Variants in GSE1 observed in about 807,000 individuals in gnomAD.
GSE1 encodes the protein Gse1 coiled-coil protein.
In GSE1, 32 loss-of-function variants were observed where a neutral mutation model predicts 112.6. The ratio of observed to expected loss-of-function variants is 0.28; its 90% CI spans 0.21 to 0.38. The LOEUF (loss-of-function observed/expected upper bound fraction) is 0.38, where lower values mean the gene tolerates loss of function less well. Among genes scored for constraint, GSE1 ranks in the 10% least tolerant of loss-of-function variants. The pLI is 1.00. For synonymous variants in GSE1, 1,115 were observed against 735.6 expected (o/e 1.52, Z -8.35); for missense variants, 2,348 against 1,699.2 (o/e 1.38, Z -6.71).
intron 1 of GSE1, among the ~76,000 whole-genome samples, chr16:85,206,052 AAACAGGG>A (rs2075109401): frequency 6.6e-6 from 1 of 152,098 alleles, no homozygotes; most frequent in Non-Finnish European, 1.5e-5. Context: ...GGAAGGAGAG[AAACAGGG>A]AACAGGGCAG....
intron 2 of GSE1, among the ~76,000 whole-genome samples, chr16:85,473,367 G>C (rs912364210): frequency 6.6e-6 from 1 of 152,186 alleles, no homozygotes; most frequent in African/African-American, 2.4e-5. Flanking sequence ...AGGATTTGAG[G>C]GGGTGGTTGG....
At chr16:85,624,610 G>C (rs910046015) in intron 1 of GSE1, among the ~76,000 whole-genome samples, 1 of 152,342 alleles carries the variant, frequency 6.6e-6, no homozygotes, top group African/African-American at 2.4e-5. Context: ...CGGCACCATG[G>C]CCAGGACAGC....
intron 3 of GSE1, among the ~76,000 whole-genome samples, chr16:85,649,140 T>C (rs1010085595): frequency 1.8e-4 from 27 of 152,102 alleles, no homozygotes; most frequent in Non-Finnish European, 3.5e-4. Context: ...GGTCCTGATC[T>C]CCTCTTCTCA....
In GSE1 at chr16:85,325,457, AT is replaced by A. The variant is rs35534903; in HGVS notation, c.2284-31995del. On this transcript the variant is annotated intron_variant, in intron 1 of 2. Transcript: ENST00000637419. ...AGGGTATTTTTCAGTAAAAAAAAAA[AT>A]TTTTTTTTTTGAGACAGAGTTTCAC... Among the ~76,000 whole-genome samples, 40 of 147,774 alleles carry A rather than the reference AT, an allele frequency of 2.7e-4. No homozygotes were observed. In the East Asian group the frequency reaches 4.1e-3, roughly 15 times the overall value.
chr16:85,633,248 T>C (rs1403033638), intron 1 of GSE1, among the ~76,000 whole-genome samples: 9 of 152,222 alleles, frequency 5.9e-5, no homozygotes. Context: ...AGCCTGCCTG[T>C]GTGGCCCCAT....
At chr16:85,352,483 G>C (rs1056419543) in intron 1 of GSE1, among the ~76,000 whole-genome samples, 6 of 152,056 alleles carry the variant, frequency 3.9e-5, no homozygotes, top group Non-Finnish European at 8.8e-5. Flanking sequence ...CCCTGGGAGT[G>C]GGGGATGCTG....
At chr16:85,625,619 G>C (rs974349792) in intron 1 of GSE1, among the ~76,000 whole-genome samples, 2 of 152,182 alleles carry the variant, frequency 1.3e-5, no homozygotes, top group Non-Finnish European at 1.5e-5. Context: ...GGCCTCCTTT[G>C]TGTTCCCAGC....
intron 1 of GSE1, among the ~76,000 whole-genome samples, chr16:85,259,573 A>G (rs1378579921): frequency 2.0e-5 from 3 of 152,230 alleles, no homozygotes; most frequent in Admixed American, 6.5e-5. Context: ...AGAGCTGCCC[A>G]GGGCTAGTGG....
intron 2 of GSE1, among the ~76,000 whole-genome samples, chr16:85,522,743 T>C (rs755113863): frequency 4.9e-4 from 74 of 152,056 alleles, no homozygotes; most frequent in Non-Finnish European, 6.3e-4. Context: ...GAGTTTACTG[T>C]GTGTATGTGT....
At chr16:85,602,001 G>C (rs1415362057) in intron 1 of GSE1, among the ~76,000 whole-genome samples, 3 of 152,236 alleles carry the variant, frequency 2.0e-5, no homozygotes, top group African/African-American at 7.2e-5. Flanking sequence ...GCGGCGGGGA[G>C]GGAGAGGGAG....
intron 2 of GSE1, among the ~76,000 whole-genome samples, chr16:85,478,720 T>C (rs763115871): frequency 1.1e-4 from 16 of 150,422 alleles, no homozygotes; most frequent in Non-Finnish European, 2.1e-4. Context: ...CAGGCTGGAG[T>C]GCAGTGGCTC....
intron 2 of GSE1, among the ~76,000 whole-genome samples, chr16:85,423,818 C>A: frequency 6.6e-6 from 1 of 152,274 alleles, no homozygotes. Flanking sequence ...GCTCTCCCCA[C>A]GGTCCTGGCC....
intron 3 of GSE1, among the ~76,000 whole-genome samples, chr16:85,653,835 G>C (rs1006496924): frequency 6.6e-6 from 1 of 152,336 alleles, no homozygotes; most frequent in East Asian, 1.9e-4. Flanking sequence ...CGCAGTTGAC[G>C]TCTTGGCTAC....
chr16:85,466,627 T>G (rs967853100), intron 2 of GSE1, among the ~76,000 whole-genome samples: 2 of 152,072 alleles, frequency 1.3e-5, no homozygotes, highest in African/African-American at 4.8e-5. Flanking sequence ...TCATTTGTGC[T>G]TTTGTCTTCC....
chr16:85,178,612 T>G (rs1349415906), intron 1 of GSE1, among the ~76,000 whole-genome samples: 1 of 151,044 alleles, frequency 6.6e-6, no homozygotes, highest in Non-Finnish European at 1.5e-5. Flanking sequence ...AGCTGAGGAG[T>G]CTGGGATTTA....
chr16:85,646,423 C>T (rs371379953), intron 2 of GSE1, among the ~76,000 whole-genome samples: 12 of 152,346 alleles, frequency 7.9e-5, no homozygotes, highest in South Asian at 2.1e-4. Flanking sequence ...GGTGCCTGAA[C>T]GCACGGTGCT....
At chr16:85,344,172 G>A (rs1374042366) in intron 1 of GSE1, among the ~76,000 whole-genome samples, 2 of 152,240 alleles carry the variant, frequency 1.3e-5, no homozygotes, top group Admixed American at 6.5e-5. Flanking sequence ...TGGACATGGG[G>A]TGGGATGCGG....
At chr16:85,425,455 G>A (rs2048952156) in intron 2 of GSE1, among the ~76,000 whole-genome samples, 1 of 152,170 alleles carries the variant, frequency 6.6e-6, no homozygotes, top group African/African-American at 2.4e-5. Context: ...GAGTGTCAGG[G>A]GAAGGGAAGT....
chr16:85,555,549 T>C (rs2045160515), upstream of GSE1: 2 of 976,686 alleles, frequency 2.0e-6, no homozygotes, highest in African/African-American at 3.5e-5. Context: ...ATTAATTTTC[T>C]CCTCTCCCCT....
Sources: gnomAD v4.1 joint callset for allele counts (sites outside exome capture counted in the v4.1 genomes callset) on GRCh38, gnomAD v4.1.1 for gene constraint, MANE v1.5 for transcripts, NCBI Gene and HGNC (gene_info 2026-07-23, HGNC 2026-07-21) for gene names.